The following CEP126 variants were observed in gnomAD, a reference collection of about 807,000 sequenced individuals.
CEP126 encodes the protein centrosomal protein of 126 kDa.
In CEP126, 74 loss-of-function variants were observed where a neutral mutation model predicts 107.8. The ratio of observed to expected loss-of-function variants is 0.69; its 90% CI spans 0.57 to 0.83. The LOEUF (loss-of-function observed/expected upper bound fraction) is 0.83, where lower values mean the gene tolerates loss of function less well. Among genes scored for constraint, CEP126 ranks in the 40% least tolerant of loss-of-function variants. The pLI, the probability that CEP126 is intolerant of heterozygous loss-of-function variation, is 0.00. For missense variants in CEP126, 1,237 were observed against 1,281.9 expected, an observed-to-expected ratio of 0.96 and a Z score of 0.53; for synonymous variants, 449 against 446.0, an observed-to-expected ratio of 1.01 and a Z score of -0.08.
intron 2 of CEP126, among the ~76,000 whole-genome samples, chr11:101,941,610 T>G (rs1940665394): frequency 6.6e-6 from 1 of 152,140 alleles, no homozygotes; most frequent in Non-Finnish European, 1.5e-5. Context: ...AAAATGGGTA[T>G]AAAAATATCT....
At chr11:101,941,144 C>T (rs1479413359) in intron 2 of CEP126, among the ~76,000 whole-genome samples, 4 of 152,150 alleles carry the variant, frequency 2.6e-5, no homozygotes, top group Admixed American at 2.6e-4. Flanking sequence ...GTAGAATACT[C>T]TATTATGACT....
At chr11:101,938,711 A>C (rs1387493104) in intron 2 of CEP126, among the ~76,000 whole-genome samples, 1 of 152,122 alleles carries the variant, frequency 6.6e-6, no homozygotes, top group African/African-American at 2.4e-5. Context: ...TAAAATTATA[A>C]ATTTTCTTCC....
At chr11:101,975,868 G>A (rs1483573958) in intron 6 of CEP126, among the ~76,000 whole-genome samples, 2 of 152,156 alleles carry the variant, frequency 1.3e-5, no homozygotes, top group Non-Finnish European at 2.9e-5. Flanking sequence ...GTGTTAGTCT[G>A]CTTAGAATAA....
intron 9 of CEP126, among the ~76,000 whole-genome samples, chr11:101,992,184 C>T (rs1941392852): frequency 6.6e-6 from 1 of 151,838 alleles, no homozygotes; most frequent in African/African-American, 2.4e-5. Context: ...GAGCTACAAT[C>T]ATGAACTAAG....
chr11:101,982,466 T>C lies in CEP126; in HGVS notation c.3034+502T>C, dbSNP rs939492482. On this transcript the variant is annotated intron_variant, in intron 8 of 10. Coordinates refer to ENST00000263468, the MANE Select transcript of CEP126 (RefSeq NM_020802.4). ...AAAAATAGTATTATATTAGTTTTGATTTCTATACCTTTCATTAATATTATG... is the reference window on the plus strand; with the variant it reads ...AAAAATAGTATTATATTAGTTTTGACTTCTATACCTTTCATTAATATTATG... Among the ~76,000 whole-genome samples the C allele has an allele frequency of 1.2e-4, 18 of 152,320 alleles. No individual in the cohort carries two copies. The East Asian group carries it at 3.5e-3, about 29-fold the overall frequency.
At chr11:101,972,929 GTTC>G (rs1487346968) in intron 6 of CEP126, among the ~76,000 whole-genome samples, 1 of 152,160 alleles carries the variant, frequency 6.6e-6, no homozygotes, top group African/African-American at 2.4e-5. Flanking sequence ...TTTTATCTGT[GTTC>G]TTCTGGGATT....
chr11:101,997,560 C>T, intron 10 of CEP126, 39 bp from the exon 11 acceptor site: 1 of 1,613,720 alleles, frequency 6.2e-7, no homozygotes, highest in Non-Finnish European at 8.5e-7. Context: ...AGTGTTTTGG[C>T]ATGTGTTTGC....
Position 101,997,738 on chromosome 11 carries a change from G to A in CEP126, c.*95G>A. The A allele has an allele frequency of 6.4e-7, 1 of 1,551,552 alleles. No individual in the cohort carries two copies. Among genetic ancestry groups the A allele is most frequent in the Non-Finnish European group, 8.8e-7 (1 of 1,133,768 alleles). On this transcript the variant is annotated 3_prime_UTR_variant, in exon 11 of 11. Coordinates refer to ENST00000263468, the MANE Select transcript of CEP126 (RefSeq NM_020802.4). ...AAACCAGCCATAGGAAAACATGTGA[G>A]CAACAACCCCCATGAACATTTGTCC...
chr11:101,970,056 A>C (rs1941107787), intron 6 of CEP126, among the ~76,000 whole-genome samples: 1 of 152,202 alleles, frequency 6.6e-6, no homozygotes, highest in African/African-American at 2.4e-5. Flanking sequence ...ACTAAGGAGA[A>C]GATTGATCAA....
rs772368167 is a variant in CEP126 at position 101,922,641 on chromosome 11, A to G, written c.129A>G (p.Leu43=). The change falls in exon 2 of 11, where the codon CTA becomes CTG. Residue 43 remains leucine, a splice_region_variant and synonymous_variant. Coordinates refer to ENST00000263468, the MANE Select transcript of CEP126 (RefSeq NM_020802.4). ...GTTCTTAACTTAATGCTATCATTAG[A>G]GATATGAAAATCCATCTGGAGAAAA... ...SGGHHRPGSY[L]DMKIHLEKNL... The G allele has an allele frequency of 1.2e-6, 2 of 1,601,740 alleles. No individual in the cohort carries two copies. The highest frequency in any genetic ancestry group is 1.7e-4 in the Middle Eastern group (1 of 6,020).
At chr11:101,986,288 TG>T (rs1941315889) in intron 8 of CEP126, among the ~76,000 whole-genome samples, 1 of 152,132 alleles carries the variant, frequency 6.6e-6, no homozygotes, top group Admixed American at 6.5e-5. Context: ...CAGCCCAAAT[TG>T]ATTCTTTTAT....
chr11:101,943,557 C>CAT (rs964958064), intron 2 of CEP126, among the ~76,000 whole-genome samples: 2 of 151,018 alleles, frequency 1.3e-5, no homozygotes, highest in African/African-American at 4.9e-5. Context: ...CACACACACA[C>CAT]ACACAGTCTT....
At chr11:101,936,463 T>C (rs1308734111) in intron 2 of CEP126, among the ~76,000 whole-genome samples, 1 of 152,178 alleles carries the variant, frequency 6.6e-6, no homozygotes, top group Admixed American at 6.5e-5. Context: ...GGAGTTATTT[T>C]ATATATTCCT....
Position 101,961,772 on chromosome 11 carries a change from A to G in CEP126, c.737A>G (p.Asn246Ser), listed in dbSNP as rs763111492. The G allele has an allele frequency of 1.2e-5, 18 of 1,557,410 alleles. No homozygotes were observed. The highest frequency in any genetic ancestry group is 1.5e-5 in the Non-Finnish European group (17 of 1,156,316). Residue 246 changes from asparagine to serine, a missense_variant, in exon 6 of 11, where the codon AAT (asparagine) becomes AGT (serine). By Grantham distance (46) the Asn-to-Ser change is conservative. This residue lies in a region of CEP126 where 1,134 missense variants were observed against 1,150.5 expected (regional missense o/e 0.99). Transcript: ENST00000263468. ...TGTGATGAAGTTAATCAGATAACCA[A>G]TTCTGAAACCCTCTCAAGTATAGAC... is the stretch of plus-strand genomic sequence containing the variant. ...KFCDEVNQIT[N>S]SETLSSIDSL...
At chr11:101,994,331 T>C (rs572613916) in intron 10 of CEP126, among the ~76,000 whole-genome samples, 1 of 152,382 alleles carries the variant, frequency 6.6e-6, no homozygotes, top group Admixed American at 6.5e-5. Flanking sequence ...CTGTCTACTC[T>C]GTTGATAGTT....
chr11:101,934,237 T>C (rs1159485811), intron 2 of CEP126, among the ~76,000 whole-genome samples: 1 of 152,076 alleles, frequency 6.6e-6, no homozygotes, highest in Admixed American at 6.6e-5. Context: ...TTTGTCTCCC[T>C]ACTATTATTC....
intron 9 of CEP126, among the ~76,000 whole-genome samples, chr11:101,991,998 G>A (rs1208332136): frequency 6.6e-6 from 1 of 152,056 alleles, no homozygotes. Context: ...AATCCATAGG[G>A]CATTGTGGAG....
At chr11:101,992,153 TAAA>T (rs200581214) in intron 9 of CEP126, among the ~76,000 whole-genome samples, 2 of 127,482 alleles carry the variant, frequency 1.6e-5, no homozygotes, top group Non-Finnish European at 3.6e-5. Context: ...AAACTATTTT[TAAA>T]AAAAAATAAA....
intron 7 of CEP126, among the ~76,000 whole-genome samples, chr11:101,979,138 G>GA (rs962861830): frequency 7.3e-4 from 104 of 142,972 alleles, no homozygotes; most frequent in South Asian, 1.8e-3. Context: ...ATCTCAAAAA[G>GA]AAAAAAAAAA....
Sources: allele counts gnomAD v4.1 joint callset (sites outside exome capture counted in the v4.1 genomes callset), GRCh38; gene constraint gnomAD v4.1.1; regional missense constraint gnomAD v4.1.1; transcripts MANE v1.5; gene names NCBI Gene and HGNC (gene_info 2026-07-23, HGNC 2026-07-21).